The following CACNA2D3 variants were observed in gnomAD, a reference collection of about 807,000 sequenced individuals.
The protein encoded by CACNA2D3 is calcium voltage-gated channel auxiliary subunit alpha2delta 3.
In CACNA2D3, 60 loss-of-function variants were observed where a neutral mutation model predicts 160.6. That is an observed-to-expected ratio of 0.37 (90% CI 0.30 to 0.46). The LOEUF is 0.46. CACNA2D3 is among the 20% of genes least tolerant of loss of function. The probability of loss-of-function intolerance (pLI) is 1.00; values close to 1 mark genes in which losing one functional copy is unlikely to be tolerated. For missense variants in CACNA2D3, 1,205 were observed against 1,365.0 expected, an observed-to-expected ratio of 0.88 and a Z score of 1.85; for synonymous variants, 558 against 492.9, an observed-to-expected ratio of 1.13 and a Z score of -1.75.
At chr3:54,277,035 C>T (rs1411623908) in intron 2 of CACNA2D3, among the ~76,000 whole-genome samples, 1 of 152,220 alleles carries the variant, frequency 6.6e-6, no homozygotes, top group South Asian at 2.1e-4. Flanking sequence ...TGCTGTATTA[C>T]TGGGCCCTGG....
At chr3:54,474,308 A>G (rs1397053137) in intron 4 of CACNA2D3, among the ~76,000 whole-genome samples, 1 of 152,158 alleles carries the variant, frequency 6.6e-6, no homozygotes, top group Admixed American at 6.5e-5. Context: ...ACTGAAAACC[A>G]AACACTGCAT....
chr3:54,562,656 C>T (rs753777713), intron 5 of CACNA2D3, 144 bp from the exon 6 acceptor site: 5 of 639,046 alleles, frequency 7.8e-6, no homozygotes, highest in East Asian at 6.2e-5. Context: ...AGGAGCTAAA[C>T]GTTTTTGTGG....
intron 3 of CACNA2D3, among the ~76,000 whole-genome samples, chr3:54,379,611 G>A (rs1699066775): frequency 6.6e-6 from 1 of 152,084 alleles, no homozygotes; most frequent in Admixed American, 6.5e-5. Flanking sequence ...CATTGTTGTG[G>A]CCTCTGTGTA....
intron 13 of CACNA2D3, among the ~76,000 whole-genome samples, chr3:54,766,057 G>A (rs1702218015): frequency 2.0e-5 from 3 of 152,000 alleles, no homozygotes. Flanking sequence ...CTGGATTCTG[G>A]GAAGACTTTA....
chr3:54,151,568 G>C (rs922879302), intron 2 of CACNA2D3, among the ~76,000 whole-genome samples: 3 of 152,138 alleles, frequency 2.0e-5, no homozygotes, highest in African/African-American at 4.8e-5. Context: ...ATATCTACTT[G>C]CTTTACCAGT....
intron 6 of CACNA2D3, among the ~76,000 whole-genome samples, chr3:54,564,150 T>C (rs1030775834): frequency 6.6e-6 from 1 of 152,114 alleles, no homozygotes; most frequent in Admixed American, 6.6e-5. Flanking sequence ...AGCCCCTGGG[T>C]AGCCAACCGT....
chr3:54,453,481 C>G (rs1192924307), intron 4 of CACNA2D3, among the ~76,000 whole-genome samples: 4 of 149,630 alleles, frequency 2.7e-5, no homozygotes, highest in Non-Finnish European at 4.5e-5. Context: ...CCATCCCTCT[C>G]AGGACTTTCT....
chr3:54,406,947 T>G (rs557357358), intron 4 of CACNA2D3, among the ~76,000 whole-genome samples: 1 of 152,242 alleles, frequency 6.6e-6, no homozygotes, highest in East Asian at 1.9e-4. Context: ...ATTTATTTTT[T>G]AAAAAAGGAC....
Position 54,251,706 on chromosome 3 carries a change from T to G in CACNA2D3, c.205-68736T>G, listed in dbSNP as rs186139262. Among the ~76,000 whole-genome samples the G allele has an allele frequency of 2.6e-5, 4 of 152,350 alleles. No individual in the cohort carries two copies. In the East Asian group the frequency reaches 7.7e-4, roughly 29 times the overall value. Reference sequence around the variant, plus strand: ...CCTAAACAGTGTTTAGTTCTGGCCCTTGACATCTGTATCTTCTCACTTGAA... The same window carrying G: ...CCTAAACAGTGTTTAGTTCTGGCCCGTGACATCTGTATCTTCTCACTTGAA... On this transcript the variant is annotated intron_variant, in intron 2 of 37. Coordinates refer to ENST00000474759, the MANE Select transcript of CACNA2D3 (RefSeq NM_018398.3).
At chr3:54,858,835 A>G (rs1053184138) in intron 17 of CACNA2D3, among the ~76,000 whole-genome samples, 1 of 152,220 alleles carries the variant, frequency 6.6e-6, no homozygotes, top group African/African-American at 2.4e-5. Flanking sequence ...CATTTGAATA[A>G]CTGAAGAATT....
intron 3 of CACNA2D3, among the ~76,000 whole-genome samples, chr3:54,351,408 A>G (rs1698563231): frequency 6.6e-6 from 1 of 152,124 alleles, no homozygotes; most frequent in Non-Finnish European, 1.5e-5. Context: ...GGGAAGTCAT[A>G]TAAACAAGAT....
intron 2 of CACNA2D3, among the ~76,000 whole-genome samples, chr3:54,155,150 A>G (rs996230298): frequency 6.6e-6 from 1 of 152,198 alleles, no homozygotes; most frequent in African/African-American, 2.4e-5. Flanking sequence ...AAAAGTGGTT[A>G]TAGTGGTCAG....
intron 2 of CACNA2D3, among the ~76,000 whole-genome samples, chr3:54,178,471 C>G (rs1214036343): frequency 1.3e-5 from 2 of 152,314 alleles, no homozygotes; most frequent in South Asian, 4.1e-4. Context: ...TCCTGAGTCT[C>G]CACACTGGCA....
At chr3:54,728,395 T>C (rs2107007013) in intron 11 of CACNA2D3, among the ~76,000 whole-genome samples, 1 of 152,352 alleles carries the variant, frequency 6.6e-6, no homozygotes, top group African/African-American at 2.4e-5. Flanking sequence ...TTTTAATCAA[T>C]GTTTTCAATT....
intron 5 of CACNA2D3, among the ~76,000 whole-genome samples, chr3:54,534,526 G>A (rs1193116286): frequency 1.3e-5 from 2 of 151,844 alleles, no homozygotes; most frequent in Non-Finnish European, 2.9e-5. Context: ...CTTTCCCGCT[G>A]TAATGGTATA....
rs556116328 is a variant in CACNA2D3 at position 54,679,773 on chromosome 3, G to A, written c.1167+37532G>A. Among the ~76,000 whole-genome samples the A allele has an allele frequency of 1.8e-4, 28 of 152,348 alleles. No homozygotes were observed. In the South Asian group the frequency reaches 4.8e-3, roughly 26 times the overall value. On this transcript the variant is annotated intron_variant, in intron 11 of 37. Transcript: ENST00000474759. The stretch of plus-strand genomic sequence containing the variant: ...TCAGTGTTGAGTAGGTGAATATGGC[G>A]TCCAAAGGCAAAATCATTTCTTATT...
At chr3:54,397,683 A>G (rs1699381867) in intron 4 of CACNA2D3, among the ~76,000 whole-genome samples, 1 of 33,654 alleles carries the variant, frequency 3.0e-5, no homozygotes, top group Non-Finnish European at 5.2e-5. Context: ...TCTGAGAGAT[A>G]GTTTGTTATA....
intron 27 of CACNA2D3, among the ~76,000 whole-genome samples, chr3:54,903,915 T>C (rs1326109584): frequency 6.6e-6 from 1 of 152,236 alleles, no homozygotes; most frequent in African/African-American, 2.4e-5. Context: ...ATTTGTTTTC[T>C]CTTGTAAATT....
intron 2 of CACNA2D3, among the ~76,000 whole-genome samples, chr3:54,126,529 A>G (rs913829108): frequency 6.6e-6 from 1 of 152,122 alleles, no homozygotes; most frequent in Non-Finnish European, 1.5e-5. Flanking sequence ...TAGCCCCTAT[A>G]TTTTTTTCTT....
Sources: gnomAD v4.1 joint callset for allele counts (sites outside exome capture counted in the v4.1 genomes callset) on GRCh38, gnomAD v4.1.1 for gene constraint, MANE v1.5 for transcripts, NCBI Gene and HGNC (gene_info 2026-07-23, HGNC 2026-07-21) for gene names.